Variants in KIF1B observed in about 807,000 individuals in gnomAD.
KIF1B encodes kinesin family member 1B.
A neutral mutation model predicts 241.9 loss-of-function variants in KIF1B; 76 were observed. The ratio of observed to expected loss-of-function variants is 0.31; its 90% CI spans 0.26 to 0.38. The LOEUF (loss-of-function observed/expected upper bound fraction) is 0.38, where lower values mean the gene tolerates loss of function less well. KIF1B is among the 10% of genes least tolerant of loss of function. KIF1B has a pLI of 1.00. For synonymous variants in KIF1B, 750 were observed against 796.7 expected (o/e 0.94, Z 0.99); for missense variants, 1,622 against 2,271.4 (o/e 0.71, Z 5.81).
At chr1:10,289,077 T>G (rs1483960950) in intron 15 of KIF1B, among the ~76,000 whole-genome samples, 2 of 152,266 alleles carry the variant, frequency 1.3e-5, no homozygotes, top group East Asian at 3.8e-4. Context: ...GCATCATTAC[T>G]ATATTTCATT....
chr1:10,309,757 A>T (rs1650988319), intron 22 of KIF1B, among the ~76,000 whole-genome samples: 1 of 151,454 alleles, frequency 6.6e-6, no homozygotes, highest in Non-Finnish European at 1.5e-5. Flanking sequence ...AACATAAATC[A>T]TATCTTGTCA....
intron 22 of KIF1B, chr1:10,304,601 A>T (rs753019958): frequency 6.2e-7 from 1 of 1,614,110 alleles, no homozygotes; most frequent in South Asian, 1.1e-5. Flanking sequence ...ATGAGGAGAC[A>T]GTTCTCAGCA....
intron 25 of KIF1B, 111 bp downstream of exon 25, chr1:10,324,173 C>T (rs1651632818): frequency 9.4e-7 from 1 of 1,066,760 alleles, no homozygotes; most frequent in Admixed American, 1.8e-5. Context: ...GCTTACTTCC[C>T]TGTACTTTCT....
Position 10,279,146 on chromosome 1 carries a change from T to G in KIF1B, c.1222+8T>G, listed in dbSNP as rs753478826. The stretch of plus-strand genomic sequence containing the variant: ...CTGGAAGTGGAAGCAAATGTGTGTA[T>G]TTCACATATTGGTTATTTCCAGTAC... On this transcript the variant is annotated splice_region_variant and intron_variant, in intron 14 of 48. Coordinates refer to ENST00000676179, the MANE Select transcript of KIF1B (RefSeq NM_001365951.3). The G allele has an allele frequency of 2.6e-6, 4 of 1,517,472 alleles. No homozygotes were observed. In the African/African-American group the frequency reaches 4.2e-5, roughly 16 times the overall value. The allele number at this position is 1,517,472 out of a possible 1,614,324, so 94.0% of individuals were successfully genotyped here.
rs376322058 is a variant in KIF1B at position 10,353,406 on chromosome 1, C to T, written c.4055+670C>T. On this transcript the variant is annotated intron_variant, in intron 38 of 48. Coordinates refer to ENST00000676179, the MANE Select transcript of KIF1B (RefSeq NM_001365951.3). Reference sequence around the variant, plus strand: ...GTAAAGTACATAGCCATTCTGCTTTCCTTTGTAAGACTAGAACTAAACCAG... The same window carrying T: ...GTAAAGTACATAGCCATTCTGCTTTTCTTTGTAAGACTAGAACTAAACCAG... Among the ~76,000 whole-genome samples the T allele has an allele frequency of 2.0e-4, 30 of 152,284 alleles. 1 individual carries two copies. In the South Asian group the frequency reaches 6.2e-3, roughly 32 times the overall value.
chr1:10,272,547 G>A, intron 9 of KIF1B: 1 of 577,030 alleles, frequency 1.7e-6, no homozygotes, highest in Non-Finnish European at 3.1e-6. Flanking sequence ...AGCAAACACT[G>A]AAGGTTTGAC....
At chr1:10,228,660 G>GTCAT (rs1474521827) in intron 1 of KIF1B, among the ~76,000 whole-genome samples, 1 of 152,154 alleles carries the variant, frequency 6.6e-6, no homozygotes, top group Non-Finnish European at 1.5e-5. Flanking sequence ...AGGCCCCCGT[G>GTCAT]TCATTCTGTT....
At position 10,269,691 on chromosome 1, in the gene KIF1B, G is replaced by A. The variant is rs977752600; in HGVS notation, c.720+1428G>A. Among the ~76,000 whole-genome samples, 4 of 152,114 alleles carry A rather than the reference G, an allele frequency of 2.6e-5. No homozygotes were observed. The East Asian group carries it at 7.7e-4, about 29-fold the overall frequency. ...AAAAAATTAGCCGGTCATGGTGTGT[G>A]CCGGTAATCCTAGCTACTCCAGAGG... On this transcript the variant is annotated intron_variant, in intron 7 of 48. Transcript: ENST00000676179.
At chr1:10,271,673 G>A (rs887689609) in intron 8 of KIF1B, 94 bp downstream of exon 8, 1 of 876,540 alleles carries the variant, frequency 1.1e-6, no homozygotes, top group African/African-American at 1.6e-5. Context: ...ACATACATTT[G>A]TTTATGTATT....
chr1:10,248,337 C>G (rs997586792), intron 2 of KIF1B, among the ~76,000 whole-genome samples: 1 of 151,950 alleles, frequency 6.6e-6, no homozygotes, highest in Non-Finnish European at 1.5e-5. Flanking sequence ...ATAACTGGGA[C>G]TACAGGCGCA....
Position 10,380,460 on chromosome 1 carries a change from C to T in KIF1B, c.*3873C>T, listed in dbSNP as rs1638993823. Reference sequence around the variant, plus strand: ...GTGGCTCACGCCTGTAATCCCAGCACATTGGGAGGCCAAGGCAGGTGGATC... The same window carrying T: ...GTGGCTCACGCCTGTAATCCCAGCATATTGGGAGGCCAAGGCAGGTGGATC... On this transcript the variant is annotated 3_prime_UTR_variant, in exon 49 of 49. Coordinates refer to ENST00000676179, the MANE Select transcript of KIF1B (RefSeq NM_001365951.3). 6 of 184,592 alleles carry T rather than the reference C, an allele frequency of 3.3e-5. No homozygotes were observed. The highest frequency in any genetic ancestry group is 1.9e-4 in the Admixed American group (3 of 16,032). The allele number at this position is 184,592 out of a possible 1,614,324, so 11.4% of individuals were successfully genotyped here.
intron 15 of KIF1B, among the ~76,000 whole-genome samples, chr1:10,285,654 G>A (rs1191758147): frequency 6.6e-6 from 1 of 152,184 alleles, no homozygotes; most frequent in Middle Eastern, 3.2e-3. Flanking sequence ...AATGCAGTGT[G>A]GTAGTTCACT....
intron 2 of KIF1B, among the ~76,000 whole-genome samples, chr1:10,235,528 T>C (rs1170311183): frequency 1.3e-5 from 2 of 152,112 alleles, no homozygotes; most frequent in African/African-American, 2.4e-5. Context: ...GCTGGGATTA[T>C]GGGCATGAGC....
chr1:10,305,992 G>A (rs1650810819), intron 22 of KIF1B: 1 of 1,051,526 alleles, frequency 9.5e-7, no homozygotes, highest in Non-Finnish European at 1.1e-6. Flanking sequence ...AGCCAAGATA[G>A]CAGTTAGCAT....
intron 15 of KIF1B, among the ~76,000 whole-genome samples, chr1:10,289,721 T>G (rs1259911837): frequency 6.6e-6 from 1 of 152,032 alleles, no homozygotes. Flanking sequence ...TCATATCTAC[T>G]AAAAATACAA....
rs550027394 is a variant in KIF1B at position 10,374,044 on chromosome 1, A to G, written c.4947-272A>G. 6.6e-6 allele frequency among the ~76,000 whole-genome samples: 1 copy of G among 152,366 alleles called. No homozygotes were observed. Among genetic ancestry groups the G allele is most frequent in the South Asian group, 2.1e-4 (1 of 4,834 alleles). ...AGTTCCTATTCCAGATAATGTGTTC[A>G]GAGGGCTTTAATATAGGCAGAGAGA... On this transcript the variant is annotated intron_variant, in intron 45 of 48. Transcript: ENST00000676179. This position sits in a 1 kb window ranked among gnomAD's most constrained non-coding sequence, Gnocchi z 4.3.
At chr1:10,216,314 C>T (rs570056121) in intron 1 of KIF1B, among the ~76,000 whole-genome samples, 1 of 152,324 alleles carries the variant, frequency 6.6e-6, no homozygotes, top group Admixed American at 6.5e-5. Context: ...AAGTCTTAAA[C>T]TGTGATAATT....
At position 10,282,346 on chromosome 1, in the gene KIF1B, A is replaced by G. The variant is rs1227262814; in HGVS notation, c.1247A>G (p.Lys416Arg). 4 of 1,614,110 alleles carry G rather than the reference A, an allele frequency of 2.5e-6. No individual in the cohort carries two copies. In the South Asian group the frequency reaches 4.4e-5, roughly 18 times the overall value. ...GATCTGAAAGATTTTCAGAACAATA[A>G]GCATAGATACTTGCTAGCCTCTGAG... Reference protein sequence around the residue: ...SKYLKDFQNNKHRYLLASENQ... With the variant: ...SKYLKDFQNNRHRYLLASENQ... The change falls in exon 15 of 49, where the codon AAG becomes AGG. Residue 416 changes from lysine (K) to arginine (R), a missense_variant. Transcript: ENST00000676179.
intron 2 of KIF1B, among the ~76,000 whole-genome samples, chr1:10,233,802 C>T (rs989563153): frequency 6.6e-6 from 1 of 151,368 alleles, no homozygotes; most frequent in Non-Finnish European, 1.5e-5. Context: ...CCACCACACC[C>T]GGCTACTTTT....
Sources: gnomAD v4.1 joint callset for allele counts (sites outside exome capture counted in the v4.1 genomes callset) on GRCh38, gnomAD v4.1.1 for gene constraint, Gnocchi (gnomAD v3.1) non-coding constraint, MANE v1.5 for transcripts, NCBI Gene and HGNC (gene_info 2026-07-23, HGNC 2026-07-21) for gene names.